DSCAML1: variants seen among roughly 807,000 people sequenced by gnomAD.
DSCAML1 encodes the protein DS cell adhesion molecule like 1.
A neutral mutation model predicts 200.5 loss-of-function variants in DSCAML1; 38 were observed. The observed-to-expected ratio is 0.19, with a 90% CI of 0.15 to 0.25. The LOEUF (loss-of-function observed/expected upper bound fraction) is 0.25, where lower values mean the gene tolerates loss of function less well. Among genes scored for constraint, DSCAML1 ranks in the 10% least tolerant of loss-of-function variants. The probability of loss-of-function intolerance (pLI) is 1.00; values close to 1 mark genes in which losing one functional copy is unlikely to be tolerated. For missense variants in DSCAML1, 2,223 were observed against 2,858.8 expected (o/e 0.78, Z 5.07); for synonymous variants, 1,215 against 1,165.0 (o/e 1.04, Z -0.87).
At chr11:117,607,461 CT>C (rs1333549742) in intron 3 of DSCAML1, among the ~76,000 whole-genome samples, 1 of 152,242 alleles carries the variant, frequency 6.6e-6, no homozygotes, top group Non-Finnish European at 1.5e-5. Flanking sequence ...CTGCCATGCA[CT>C]GTTGTATCAG....
At chr11:117,690,385 G>A (rs896319574) in intron 3 of DSCAML1, among the ~76,000 whole-genome samples, 1 of 152,218 alleles carries the variant, frequency 6.6e-6, no homozygotes, top group Non-Finnish European at 1.5e-5. Flanking sequence ...GGCTGGCTTG[G>A]TAAGTGACCA....
Position 117,769,987 on chromosome 11 carries a change from C to A in DSCAML1, c.511+6804G>T, listed in dbSNP as rs1413297974. ...TAACCCTCCAGCCATGTTCCCAGAT[C>A]ACCCCAGCCTTTCATTGCCCATTTG... is the stretch of plus-strand genomic sequence containing the variant. On this transcript the variant is annotated intron_variant, in intron 3 of 32. Transcript: ENST00000651296. Among the ~76,000 whole-genome samples the A allele has an allele frequency of 2.6e-5, 4 of 152,182 alleles. No individual in the cohort carries two copies. In the East Asian group the frequency reaches 7.7e-4, roughly 29 times the overall value.
chr11:117,734,309 G>C (rs1422702525), intron 3 of DSCAML1, among the ~76,000 whole-genome samples: 4 of 152,176 alleles, frequency 2.6e-5, no homozygotes, highest in African/African-American at 9.7e-5. Context: ...CTTACGGGGT[G>C]GGGGAACCCA....
At chr11:117,624,397 A>G (rs2052001036) in intron 3 of DSCAML1, among the ~76,000 whole-genome samples, 1 of 152,186 alleles carries the variant, frequency 6.6e-6, no homozygotes. Flanking sequence ...ATCTGCAAAT[A>G]GAAGGGGACT....
At chr11:117,814,628 C>T (rs10892178) in intron 1 of DSCAML1, among the ~76,000 whole-genome samples, 51,005 of 152,124 alleles carry the variant, frequency 0.34, 8,794 homozygotes, top group Non-Finnish European at 0.38. Flanking sequence ...GCACTGGGAT[C>T]GGTGGGTGAA....
intron 3 of DSCAML1, among the ~76,000 whole-genome samples, chr11:117,625,999 T>C (rs942797525): frequency 9.2e-5 from 14 of 152,214 alleles, no homozygotes; most frequent in Admixed American, 8.5e-4. Context: ...GGAGGAGGCA[T>C]TTGTCTCCAG....
chr11:117,450,115 T>C (rs1040936735), intron 20 of DSCAML1, among the ~76,000 whole-genome samples: 1 of 152,184 alleles, frequency 6.6e-6, no homozygotes. Flanking sequence ...CTCAGCTTGC[T>C]CCATGTGGAG....
At chr11:117,749,343 G>T (rs2054566814) in intron 3 of DSCAML1, among the ~76,000 whole-genome samples, 1 of 152,218 alleles carries the variant, frequency 6.6e-6, no homozygotes, top group African/African-American at 2.4e-5. Flanking sequence ...CATGTACAGA[G>T]AACGAGCCTT....
At chr11:117,543,464 C>A (rs917391981) in intron 3 of DSCAML1, among the ~76,000 whole-genome samples, 1 of 151,912 alleles carries the variant, frequency 6.6e-6, no homozygotes, top group South Asian at 2.1e-4. Flanking sequence ...TGTGTACCTG[C>A]GCTGGTGTGT....
chr11:117,745,206 G>A (rs2054498025), intron 3 of DSCAML1, among the ~76,000 whole-genome samples: 2 of 122,176 alleles, frequency 1.6e-5, no homozygotes, highest in South Asian at 6.8e-4. Flanking sequence ...GCTCACGGAG[G>A]GCTGGTGAGG....
Position 117,630,323 on chromosome 11 carries a change from C to T in DSCAML1, c.512-97801G>A, listed in dbSNP as rs948554945. On this transcript the variant is annotated intron_variant, in intron 3 of 32. Transcript: ENST00000651296. Reference sequence around the variant, plus strand: ...CAGGCGTCGAATGCACGTCACATGCCTGCTTGCTGCTAGTGGGCCCAACAC... The same window carrying T: ...CAGGCGTCGAATGCACGTCACATGCTTGCTTGCTGCTAGTGGGCCCAACAC... Among the ~76,000 whole-genome samples, 3 of 152,184 alleles carry T rather than the reference C, an allele frequency of 2.0e-5. No individual in the cohort carries two copies. The East Asian group carries it at 5.8e-4, about 29-fold the overall frequency.
At chr11:117,541,275 G>C (rs1025216112) in intron 3 of DSCAML1, among the ~76,000 whole-genome samples, 1 of 152,136 alleles carries the variant, frequency 6.6e-6, no homozygotes, top group African/African-American at 2.4e-5. Context: ...TGTGTCCCTC[G>C]TCCCTGCCCA....
rs961028514 is a variant in DSCAML1, at chr11:117,521,765, G to C, written c.938-360C>G. On this transcript the variant is annotated intron_variant, in intron 5 of 32. Coordinates refer to ENST00000651296, the MANE Select transcript of DSCAML1 (RefSeq NM_020693.4). Reference sequence around the variant, plus strand: ...CCCCGCCACCCACCTCAGAAACCGGGGGGGGCACCCTTGGCCCAGCAGGCT... The same window carrying C: ...CCCCGCCACCCACCTCAGAAACCGGCGGGGGCACCCTTGGCCCAGCAGGCT... 1.3e-5 allele frequency among the ~76,000 whole-genome samples: 2 copies of C among 151,988 alleles called. 1 individual carries two copies. Among genetic ancestry groups the C allele is most frequent in the African/African-American group, 4.8e-5 (2 of 41,310 alleles).
At chr11:117,533,351 G>A (rs1452258603) in intron 3 of DSCAML1, among the ~76,000 whole-genome samples, 1 of 152,154 alleles carries the variant, frequency 6.6e-6, no homozygotes. Context: ...GGCCCAGGTC[G>A]CACAGCCAGG....
chr11:117,544,443 C>T (rs1015082642), intron 3 of DSCAML1, among the ~76,000 whole-genome samples: 1 of 152,202 alleles, frequency 6.6e-6, no homozygotes, highest in South Asian at 2.1e-4. Context: ...TACTTCCTGG[C>T]TGGCGGGAAT....
chr11:117,673,780 G>A (rs1469123098), intron 3 of DSCAML1, among the ~76,000 whole-genome samples: 1 of 152,334 alleles, frequency 6.6e-6, no homozygotes, highest in Non-Finnish European at 1.5e-5. Flanking sequence ...CTGTGCGTGT[G>A]CACAATCAGC....
intron 4 of DSCAML1, among the ~76,000 whole-genome samples, chr11:117,526,762 C>T (rs2049985531): frequency 1.3e-5 from 2 of 152,132 alleles, no homozygotes; most frequent in Non-Finnish European, 2.9e-5. Flanking sequence ...GTGATCCACC[C>T]GCCTCGGCTT....
At chr11:117,601,709 A>G (rs2051469459) in intron 3 of DSCAML1, among the ~76,000 whole-genome samples, 1 of 152,232 alleles carries the variant, frequency 6.6e-6, no homozygotes, top group Non-Finnish European at 1.5e-5. Context: ...AAGGAAGTGA[A>G]CGAGAGAAAC....
intron 3 of DSCAML1, among the ~76,000 whole-genome samples, chr11:117,695,688 C>T (rs1172421212): frequency 6.6e-6 from 1 of 152,156 alleles, no homozygotes; most frequent in African/African-American, 2.4e-5. Context: ...AAAGGATGAG[C>T]ACTCCAAGAA....
Sources: gnomAD v4.1 joint callset for allele counts (sites outside exome capture counted in the v4.1 genomes callset) on GRCh38, gnomAD v4.1.1 for gene constraint, MANE v1.5 for transcripts, NCBI Gene and HGNC (gene_info 2026-07-23, HGNC 2026-07-21) for gene names.